The following IL1RAPL2 variants were observed in gnomAD, a reference collection of about 807,000 sequenced individuals.
IL1RAPL2 encodes X-linked interleukin-1 receptor accessory protein-like 2.
Under a neutral mutation model 44.1 loss-of-function variants are expected in IL1RAPL2, and 3 were observed. The ratio of observed to expected loss-of-function variants is 0.07; its 90% CI spans 0.03 to 0.18. IL1RAPL2 has a LOEUF of 0.18. Ranked by LOEUF, IL1RAPL2 falls within the 10% of genes least tolerant of loss-of-function variation. IL1RAPL2 has a pLI of 1.00. For synonymous variants in IL1RAPL2, 181 were observed against 178.8 expected (o/e 1.01, Z -0.10); for missense variants, 391 against 496.4 (o/e 0.79, Z 2.02).
At chrX:105,506,873 TC>T (rs2036434781) in intron 6 of IL1RAPL2, among the ~76,000 whole-genome samples, 1 of 111,958 alleles carries the variant, frequency 8.9e-6, no homozygotes, top group Non-Finnish European at 1.9e-5. Flanking sequence ...AGATCATACA[TC>T]TGCTTTGTAC....
chrX:104,797,188 C>CCA (rs1294542102), intron 2 of IL1RAPL2, among the ~76,000 whole-genome samples: 2 of 21,352 alleles, frequency 9.4e-5, no homozygotes, highest in African/African-American at 7.6e-4. Flanking sequence ...CTCTTCAGCC[C>CCA]CCCCCCCCCC....
chrX:105,609,866 T>C lies in IL1RAPL2; in HGVS notation c.773-107501T>C, dbSNP rs150684140. Among the ~76,000 whole-genome samples the C allele has an allele frequency of 6.4e-3, 714 of 111,811 alleles. 3 individuals are homozygous for C. The highest frequency in any genetic ancestry group is 0.011 in the Non-Finnish European group (591 of 53,138). The stretch of plus-strand genomic sequence containing the variant: ...TGATTCAAAGTGAGTTCCAATTAGA[T>C]TGGGGATCTGATTAAGCTAATTAGA... On this transcript the variant is annotated intron_variant, in intron 6 of 10. Coordinates refer to ENST00000372582, the MANE Select transcript of IL1RAPL2 (RefSeq NM_017416.2).
intron 5 of IL1RAPL2, among the ~76,000 whole-genome samples, chrX:105,310,010 G>A (rs1200615222): frequency 1.8e-5 from 2 of 111,188 alleles, no homozygotes; most frequent in African/African-American, 3.3e-5. Flanking sequence ...GACAAGTTAG[G>A]AAGTGATCCC....
At chrX:104,642,177 C>G (rs1441595082) in intron 1 of IL1RAPL2, among the ~76,000 whole-genome samples, 1 of 111,936 alleles carries the variant, frequency 8.9e-6, no homozygotes, top group African/African-American at 3.3e-5. Flanking sequence ...CCTTTCTCCA[C>G]TTTTGATGTT....
chrX:105,039,935 G>C (rs1375932630), intron 2 of IL1RAPL2, among the ~76,000 whole-genome samples: 4 of 110,673 alleles, frequency 3.6e-5, no homozygotes, highest in Non-Finnish European at 7.6e-5. Flanking sequence ...GGAGTGGTGA[G>C]AGAGGGCATC....
chrX:105,407,196 C>T (rs750262303), intron 5 of IL1RAPL2, among the ~76,000 whole-genome samples: 37 of 109,153 alleles, frequency 3.4e-4, no homozygotes, highest in Middle Eastern at 4.8e-3. Context: ...TTGTTCTGAG[C>T]GGTGCATAAG....
At position 105,460,098 on chromosome X, in the gene IL1RAPL2, CAA is replaced by C. The variant is rs760853423; in HGVS notation, c.698-24213_698-24212del. On this transcript the variant is annotated intron_variant, in intron 5 of 10. Transcript: ENST00000372582. ...TATCTTGACAAAATTGTGAAGCAGG[CAA>C]AGTTATGTCTTCAGCACCTGCCCAT... Among the ~76,000 whole-genome samples the C allele has an allele frequency of 1.1e-3, 125 of 111,138 alleles. 1 individual carries two copies. The highest frequency in any genetic ancestry group is 3.9e-3 in the African/African-American group (119 of 30,735).
intron 4 of IL1RAPL2, among the ~76,000 whole-genome samples, chrX:105,244,974 A>T (rs2034206488): frequency 9.0e-6 from 1 of 111,685 alleles, no homozygotes; most frequent in Non-Finnish European, 1.9e-5. Flanking sequence ...GCCACATTTG[A>T]TTGGTCAAAA....
At chrX:104,722,827 G>A (rs1931709111) in intron 2 of IL1RAPL2, among the ~76,000 whole-genome samples, 1 of 111,704 alleles carries the variant, frequency 9.0e-6, no homozygotes, top group South Asian at 3.7e-4. Context: ...GAAACCAGCA[G>A]AATCTGACGA....
At chrX:105,145,266 C>T (rs2033169214) in intron 2 of IL1RAPL2, among the ~76,000 whole-genome samples, 1 of 111,284 alleles carries the variant, frequency 9.0e-6, no homozygotes, top group Non-Finnish European at 1.9e-5. Flanking sequence ...CATTATGAAC[C>T]GTACAGTGTT....
intron 5 of IL1RAPL2, among the ~76,000 whole-genome samples, chrX:105,360,475 T>C (rs1210315405): frequency 2.7e-5 from 3 of 111,128 alleles, no homozygotes; most frequent in Non-Finnish European, 5.7e-5. Context: ...CTACTAAATA[T>C]ATAAATAAAT....
chrX:104,686,566 G>T, intron 2 of IL1RAPL2, among the ~76,000 whole-genome samples: 1 of 112,026 alleles, frequency 8.9e-6, no homozygotes, highest in African/African-American at 3.2e-5. Context: ...GGGAAGGGTA[G>T]AATCACTGAA....
chrX:105,469,597 G>A (rs1197909280), intron 5 of IL1RAPL2, among the ~76,000 whole-genome samples: 1 of 110,223 alleles, frequency 9.1e-6, no homozygotes, highest in Non-Finnish European at 1.9e-5. Flanking sequence ...TCATGTATTA[G>A]GTAGGAAGAC....
At chrX:105,180,685 A>G (rs2033522603) in intron 2 of IL1RAPL2, among the ~76,000 whole-genome samples, 1 of 112,063 alleles carries the variant, frequency 8.9e-6, no homozygotes, top group African/African-American at 3.2e-5. Flanking sequence ...CCCTGATATA[A>G]ATCCCACTTG....
chrX:105,339,289 G>A (rs2035052765), intron 5 of IL1RAPL2, among the ~76,000 whole-genome samples: 1 of 101,624 alleles, frequency 9.8e-6, no homozygotes, highest in Non-Finnish European at 2.0e-5. Context: ...GTTCCTTTTT[G>A]GAAAGTCTAG....
chrX:104,970,041 TC>T (rs768734286), intron 2 of IL1RAPL2, among the ~76,000 whole-genome samples: 1 of 111,102 alleles, frequency 9.0e-6, no homozygotes, highest in Non-Finnish European at 1.9e-5. Flanking sequence ...GATGGAAATA[TC>T]CTACAAATGA....
chrX:105,073,254 C>A (rs1239788532), intron 2 of IL1RAPL2, among the ~76,000 whole-genome samples: 1 of 85,696 alleles, frequency 1.2e-5, no homozygotes, highest in Admixed American at 1.6e-4. Context: ...TCCATGTGTT[C>A]TCATTGTTCA....
intron 3 of IL1RAPL2, among the ~76,000 whole-genome samples, chrX:105,229,101 C>CGTCA (rs782551485): frequency 4.5e-5 from 5 of 111,967 alleles, no homozygotes; most frequent in African/African-American, 1.6e-4. Flanking sequence ...CTTGCACACT[C>CGTCA]GTCAGTCTGC....
intron 2 of IL1RAPL2, among the ~76,000 whole-genome samples, chrX:104,771,399 A>G (rs1365515420): frequency 8.9e-6 from 1 of 112,419 alleles, no homozygotes; most frequent in African/African-American, 3.2e-5. Flanking sequence ...GAGGCTGATA[A>G]CTCAATTAGC....
Sources: gnomAD v4.1 joint callset for allele counts (sites outside exome capture counted in the v4.1 genomes callset) on GRCh38, gnomAD v4.1.1 for gene constraint, MANE v1.5 for transcripts, NCBI Gene and HGNC (gene_info 2026-07-23, HGNC 2026-07-21) for gene names.